SPPL2B: variants seen among roughly 807,000 people sequenced by gnomAD.
SPPL2B encodes signal peptide peptidase-like 2B.
Under a neutral mutation model 59.7 loss-of-function variants are expected in SPPL2B, and 39 were observed. The observed-to-expected ratio is 0.65, with a 90% CI of 0.51 to 0.85. SPPL2B has a LOEUF of 0.85. Among genes scored for constraint, SPPL2B ranks in the 40% least tolerant of loss-of-function variants. The pLI is 0.00. For synonymous variants in SPPL2B, 419 were observed against 370.8 expected (o/e 1.13, Z -1.49); for missense variants, 865 against 849.0 (o/e 1.02, Z -0.23).
chr19:2,331,283 T>C (rs1968279066), intron 1 of SPPL2B, among the ~76,000 whole-genome samples: 1 of 152,206 alleles, frequency 6.6e-6, no homozygotes, highest in African/African-American at 2.4e-5. Flanking sequence ...TCACAGTCAC[T>C]TGGAAGCGGG....
At chr19:2,329,613 C>G (rs182574766) in intron 1 of SPPL2B, among the ~76,000 whole-genome samples, 2 of 152,238 alleles carry the variant, frequency 1.3e-5, no homozygotes, top group African/African-American at 4.8e-5. Flanking sequence ...ACCTTCACTA[C>G]CCCCTCAGAG....
In SPPL2B at chr19:2,353,362, A is replaced by C; in HGVS notation, c.*153A>C. 2 of 994,812 alleles carry C rather than the reference A, an allele frequency of 2.0e-6. No individual in the cohort carries two copies. Among genetic ancestry groups the C allele is most frequent in the Admixed American group, 3.0e-5 (1 of 33,562 alleles). The allele number at this position is 994,812 out of a possible 1,614,324, so 61.6% of individuals were successfully genotyped here. On this transcript the variant is annotated 3_prime_UTR_variant, in exon 15 of 15. Coordinates refer to ENST00000613503, the MANE Select transcript of SPPL2B (RefSeq NM_152988.3). ...CAACATGGTGCTCATCCTTGCCGAGACCCCTGCGGTCTGTGCCCGCGCCCA... is the reference window on the plus strand; with the variant it reads ...CAACATGGTGCTCATCCTTGCCGAGCCCCCTGCGGTCTGTGCCCGCGCCCA...
chr19:2,340,790 G>C, intron 7 of SPPL2B, 108 bp from the exon 8 acceptor site: 1 of 638,988 alleles, frequency 1.6e-6, no homozygotes, highest in South Asian at 1.9e-5. Flanking sequence ...ACAACAGAGT[G>C]GGGGCTGCCA....
intron 3 of SPPL2B, 50 bp from the exon 4 acceptor site, chr19:2,338,702 C>T: frequency 7.6e-7 from 1 of 1,311,086 alleles, no homozygotes; most frequent in Non-Finnish European, 1.1e-6. Context: ...AGCTGGGGGC[C>T]CACCCACTGC....
At chr19:2,335,953 G>A (rs1968576245) in intron 2 of SPPL2B, among the ~76,000 whole-genome samples, 2 of 151,954 alleles carry the variant, frequency 1.3e-5, no homozygotes, top group South Asian at 4.1e-4. Context: ...GTGTGCATGT[G>A]CCTGAGTGTT....
At position 2,352,977 on chromosome 19, in the gene SPPL2B, C is replaced by T; in HGVS notation, c.1547C>T (p.Ala516Val). The T allele has an allele frequency of 6.2e-7, 1 of 1,612,212 alleles. No individual in the cohort carries two copies. Among genetic ancestry groups the T allele is most frequent in the African/African-American group, 1.3e-5 (1 of 75,030 alleles). ...CTACCTCCATCTCCGTGGGCCCCAGCACCAGCCGACGGCCCGCAGCCTCCC... is the reference window on the plus strand; with the variant it reads ...CTACCTCCATCTCCGTGGGCCCCAGTACCAGCCGACGGCCCGCAGCCTCCC... The part of the protein sequence containing the change: ...KVLPPSPWAP[A>V]PADGPQPPKD... Residue 516 changes from alanine to valine, a missense_variant, in exon 15 of 15, where the codon GCA becomes GTA. Coordinates refer to ENST00000613503, the MANE Select transcript of SPPL2B (RefSeq NM_152988.3).
intron 12 of SPPL2B, 121 bp from the exon 13 acceptor site, chr19:2,345,132 G>A: frequency 1.4e-6 from 1 of 706,434 alleles, no homozygotes; most frequent in Non-Finnish European, 2.4e-6. Context: ...AATGACAGCA[G>A]CCACCAGGCA....
chr19:2,340,200 G>GCCT (rs1968943779), intron 7 of SPPL2B, 28 bp downstream of exon 7: 3 of 1,507,756 alleles, frequency 2.0e-6, no homozygotes, highest in Non-Finnish European at 2.7e-6. Flanking sequence ...GCCCCGACGT[G>GCCT]CCTGACTCTG....
chr19:2,346,115 T>G (rs763227680), intron 13 of SPPL2B, among the ~76,000 whole-genome samples: 1 of 152,266 alleles, frequency 6.6e-6, no homozygotes, highest in Non-Finnish European at 1.5e-5. Flanking sequence ...CCACATTGTT[T>G]TGAAAAATGT....
At chr19:2,339,739 C>T in intron 5 of SPPL2B, 85 bp from the exon 6 acceptor site, 2 of 1,512,278 alleles carry the variant, frequency 1.3e-6, no homozygotes, top group Non-Finnish European at 1.8e-6. Context: ...GTTTTCTGCC[C>T]CGTTCCCCCG....
intron 11 of SPPL2B, 34 bp downstream of exon 11, chr19:2,344,458 A>G (rs1465027341): frequency 4.5e-6 from 7 of 1,571,378 alleles, no homozygotes; most frequent in Middle Eastern, 3.3e-4. Flanking sequence ...TCAGGTTGCC[A>G]TGGGTCAAGG....
In SPPL2B at chr19:2,343,605, T is replaced by C. The variant is rs572177244; in HGVS notation, c.1038+313T>C. On this transcript the variant is annotated intron_variant, in intron 9 of 14. Transcript: ENST00000613503. Reference sequence around the variant, plus strand: ...GGTGGTACCGGGAGTGCGGGGATGTTGTCAAGCCCCAGGCGGCTGCACTCC... The same window carrying C: ...GGTGGTACCGGGAGTGCGGGGATGTCGTCAAGCCCCAGGCGGCTGCACTCC... Among the ~76,000 whole-genome samples the C allele has an allele frequency of 3.3e-5, 5 of 152,146 alleles. No individual in the cohort carries two copies. In the East Asian group the frequency reaches 9.7e-4, roughly 29 times the overall value.
chr19:2,340,047 C>T (rs3746287), intron 6 of SPPL2B, 29 bp from the exon 7 acceptor site: 727,550 of 1,572,982 alleles, frequency 0.46, 172,197 homozygotes, highest in Non-Finnish European at 0.49. Context: ...GCGGGCCTGG[C>T]CCCCGGCCTC....
chr19:2,331,084 G>A (rs1179365319), intron 1 of SPPL2B, among the ~76,000 whole-genome samples: 1 of 152,184 alleles, frequency 6.6e-6, no homozygotes, highest in Non-Finnish European at 1.5e-5. Flanking sequence ...GAGCAAGGAA[G>A]TCGACCTCCC....
Position 2,328,785 on chromosome 19 carries a change from G to C in SPPL2B, c.66+10G>C, listed in dbSNP as rs1968121687. The C allele has an allele frequency of 2.1e-6, 3 of 1,411,966 alleles. No homozygotes were observed. Among genetic ancestry groups the C allele is most frequent in the Non-Finnish European group, 2.8e-6 (3 of 1,090,558 alleles). The allele number at this position is 1,411,966 out of a possible 1,614,324, so 87.5% of individuals were successfully genotyped here. A position where few individuals can be genotyped will look rare whatever the true frequency, so the allele number is the denominator to read the frequency against. On this transcript the variant is annotated intron_variant, in intron 1 of 14. Transcript: ENST00000613503. ...GCTCCTCGCGGCCCAGGTGAGCGCG[G>C]CACCGGTCCCGACGGCACCGCGGGC...
At chr19:2,342,049 C>T (rs947306220) in intron 8 of SPPL2B, 1 of 156,584 alleles carries the variant, frequency 6.4e-6, no homozygotes, top group Non-Finnish European at 1.4e-5. Flanking sequence ...TGTTAGCAGC[C>T]GCCCCGCCCT....
chr19:2,337,402 C>G (rs750697934), intron 2 of SPPL2B, 41 bp from the exon 3 acceptor site: 1 of 1,533,644 alleles, frequency 6.5e-7, no homozygotes, highest in Non-Finnish European at 8.8e-7. Context: ...CTCCTGGTGA[C>G]TCACATCACG....
chr19:2,343,234 C>G lies in SPPL2B; in HGVS notation c.980C>G (p.Ala327Gly). The stretch of plus-strand genomic sequence containing the variant: ...AGGTGGGCCTGGGTCCTCCAGGATG[C>G]CCTGGGCATCGCCTTCTGCCTCTAC... Reference protein sequence around the residue: ...EDQWAWVLQDALGIAFCLYML... With the variant: ...EDQWAWVLQDGLGIAFCLYML... The change falls in exon 9 of 15, where the codon GCC becomes GGC. Residue 327 changes from alanine (A) to glycine (G), a missense_variant. Coordinates refer to ENST00000613503, the MANE Select transcript of SPPL2B (RefSeq NM_152988.3). 1 of 1,555,520 alleles carries G rather than the reference C, an allele frequency of 6.4e-7. No individual in the cohort carries two copies.
chr19:2,333,386 G>A (rs1208693746), intron 1 of SPPL2B, among the ~76,000 whole-genome samples: 1 of 152,170 alleles, frequency 6.6e-6, no homozygotes, highest in Admixed American at 6.5e-5. Flanking sequence ...TGGGAGGACC[G>A]TGGTTCTGCC....
Sources: gnomAD v4.1 joint callset for allele counts (sites outside exome capture counted in the v4.1 genomes callset) on GRCh38, gnomAD v4.1.1 for gene constraint, MANE v1.5 for transcripts, NCBI Gene and HGNC (gene_info 2026-07-23, HGNC 2026-07-21) for gene names.